The following MYO18A variants were observed in gnomAD, a reference collection of about 807,000 sequenced individuals.
The protein encoded by MYO18A is unconventional myosin-XVIIIa.
A neutral mutation model predicts 235.8 loss-of-function variants in MYO18A; 78 were observed. That is an observed-to-expected ratio of 0.33 (90% CI 0.28 to 0.40). The LOEUF (loss-of-function observed/expected upper bound fraction) is 0.40. Ranked by LOEUF, MYO18A falls within the 10% of genes least tolerant of loss-of-function variation. MYO18A has a pLI of 1.00. For missense variants in MYO18A, 2,215 were observed against 2,699.3 expected (o/e 0.82, Z 3.98); for synonymous variants, 977 against 1,077.8 (o/e 0.91, Z 1.83).
At chr17:29,148,032 G>A (rs1040425375) in intron 2 of MYO18A, among the ~76,000 whole-genome samples, 2 of 151,990 alleles carry the variant, frequency 1.3e-5, no homozygotes, top group African/African-American at 4.8e-5. Context: ...TGACTATTTG[G>A]GGAAGGATGG....
At chr17:29,171,387 A>C (rs2068400187) in intron 1 of MYO18A, among the ~76,000 whole-genome samples, 1 of 152,124 alleles carries the variant, frequency 6.6e-6, no homozygotes, top group Non-Finnish European at 1.5e-5. Flanking sequence ...CAGTGAGCCA[A>C]GATGATTGCG....
At position 29,090,043 on chromosome 17, in the gene MYO18A, G is replaced by C; in HGVS notation, c.5444C>G (p.Ser1815Cys). 1 of 1,613,976 alleles carries C rather than the reference G, an allele frequency of 6.2e-7. No homozygotes were observed. Among genetic ancestry groups the C allele is most frequent in the Non-Finnish European group, 8.5e-7 (1 of 1,179,860 alleles). ...EFLEQSMVDK[S>C]LVSRQEAKIR... ...CTTAGCTTCCTGCCTGCTCACCAGG[G>C]ACTTGTCCACCATGGACTGCTCCAG... The change falls in exon 37 of 42, where the codon TCC becomes TGC. Residue 1815 changes from serine to cysteine, a missense_variant. By Grantham distance (112) the Ser-to-Cys change is moderately radical (BLOSUM62 -1). Transcript: ENST00000527372.
intron 25 of MYO18A, 40 bp from the exon 26 acceptor site, chr17:29,097,939 C>A (rs1358219173): frequency 1.3e-6 from 2 of 1,588,396 alleles, no homozygotes; most frequent in African/African-American, 1.3e-5. Context: ...ATTCCATCCC[C>A]TCATACCCAC....
chr17:29,158,718 G>A lies in MYO18A; in HGVS notation c.999+7224C>T, dbSNP rs1283896738. ...GCAGCTTAGTGCATTGGGGTGGCGG[G>A]AGCCCTGCTGGCAGGCAGCGCGTGC... On this transcript the variant is annotated intron_variant, in intron 2 of 41. Coordinates refer to ENST00000527372, the MANE Select transcript of MYO18A (RefSeq NM_078471.4). This position sits in a 1 kb window ranked among gnomAD's most constrained non-coding sequence, Gnocchi z 4.3. Among the ~76,000 whole-genome samples, 3 of 152,194 alleles carry A rather than the reference G, an allele frequency of 2.0e-5. No individual in the cohort carries two copies. Among genetic ancestry groups the A allele is most frequent in the Non-Finnish European group, 4.4e-5 (3 of 68,018 alleles).
At chr17:29,086,853 T>A (rs2066266288) in intron 38 of MYO18A, 83 bp downstream of exon 38, 1 of 1,455,466 alleles carries the variant, frequency 6.9e-7, no homozygotes, top group Admixed American at 2.4e-5. Context: ...CACCCTATCC[T>A]CAACCAGGCC....
chr17:29,116,936 C>T (rs939221522), intron 10 of MYO18A, among the ~76,000 whole-genome samples: 1 of 152,010 alleles, frequency 6.6e-6, no homozygotes, highest in Non-Finnish European at 1.5e-5. Flanking sequence ...CTGTCCTCCA[C>T]ATTCTCGAGA....
chr17:29,169,536 C>T (rs2068355499), intron 1 of MYO18A, among the ~76,000 whole-genome samples: 1 of 152,132 alleles, frequency 6.6e-6, no homozygotes, highest in South Asian at 2.1e-4. Context: ...GAGTCTCTCT[C>T]CTCCTGACTG....
At chr17:29,116,309 C>T (rs2067058635) in intron 11 of MYO18A, 135 bp downstream of exon 11, 5 of 961,910 alleles carry the variant, frequency 5.2e-6, no homozygotes, top group Non-Finnish European at 8.4e-6. Flanking sequence ...ACCACAAACA[C>T]CCACTGATGG....
At chr17:29,097,441 A>G in intron 26 of MYO18A, 91 bp from the exon 27 acceptor site, 1 of 1,524,126 alleles carries the variant, frequency 6.6e-7, no homozygotes, top group Non-Finnish European at 8.9e-7. Context: ...GGGGAGCAGC[A>G]GGTGGAGTCA....
In MYO18A at chr17:29,115,458, G is replaced by A; in HGVS notation, c.2228-17C>T. On this transcript the variant is annotated splice_polypyrimidine_tract_variant and intron_variant, in intron 12 of 41. Transcript: ENST00000527372. ...GTTTCGGGCCTGTGGGGCAGGGGGA[G>A]CAGCGCTATCTCCTTCTCCCCAGGG... 1.2e-6 allele frequency: 2 copies of A among 1,610,974 alleles called. No individual in the cohort carries two copies. The highest frequency in any genetic ancestry group is 1.1e-5 in the South Asian group (1 of 90,516).
At chr17:29,102,347 C>T (rs191969260) in intron 21 of MYO18A, among the ~76,000 whole-genome samples, 44 of 152,324 alleles carry the variant, frequency 2.9e-4, no homozygotes, top group South Asian at 1.4e-3. Flanking sequence ...GGCAGGAATC[C>T]TGGCGGGAAA....
chr17:29,131,456 T>G lies in MYO18A; in HGVS notation c.1000-9203A>C. ...CTCCTCTTTAACCTGAGGGAGCAGATGAAGAAGTCACTGGCAGGTCAAGGC... is the reference window on the plus strand; with the variant it reads ...CTCCTCTTTAACCTGAGGGAGCAGAGGAAGAAGTCACTGGCAGGTCAAGGC... On this transcript the variant is annotated intron_variant, in intron 2 of 41. Coordinates refer to ENST00000527372, the MANE Select transcript of MYO18A (RefSeq NM_078471.4). 3 of 985,616 alleles carry G rather than the reference T, an allele frequency of 3.0e-6. No homozygotes were observed. The East Asian group carries it at 3.4e-4, about 112-fold the overall frequency. 61.1% of individuals were successfully genotyped at this position (985,616 alleles called of 1,614,324 possible).
intron 20 of MYO18A, among the ~76,000 whole-genome samples, chr17:29,105,394 TG>T (rs2066759539): frequency 6.6e-6 from 1 of 150,918 alleles, no homozygotes; most frequent in Non-Finnish European, 1.5e-5. Flanking sequence ...TGCAGGTCTG[TG>T]GGGAGTTTCT....
chr17:29,128,704 C>A (rs763988906), intron 2 of MYO18A, among the ~76,000 whole-genome samples: 1 of 152,178 alleles, frequency 6.6e-6, no homozygotes, highest in Non-Finnish European at 1.5e-5. Context: ...AGGAAGCCCA[C>A]TTTCCATCTT....
At chr17:29,149,615 G>C (rs1470356904) in intron 2 of MYO18A, among the ~76,000 whole-genome samples, 3 of 152,250 alleles carry the variant, frequency 2.0e-5, no homozygotes, top group African/African-American at 4.8e-5. Context: ...AAGACCCTGA[G>C]TCAATCCCCA....
In MYO18A at chr17:29,106,378, C is replaced by G. The variant is rs1347047817; in HGVS notation, c.3441+702G>C. On this transcript the variant is annotated intron_variant, in intron 20 of 41. Transcript: ENST00000527372. The surrounding 1 kb of genome is among the most constrained non-coding windows in gnomAD (Gnocchi z 4.6). ...AGGGGTGGAGGGGCAGGGGGGCACA[C>G]ACAGAGGCAGGCTGGGCACTCTGTG... is the stretch of plus-strand genomic sequence containing the variant. Among the ~76,000 whole-genome samples, 2 of 152,142 alleles carry G rather than the reference C, an allele frequency of 1.3e-5. No homozygotes were observed. The highest frequency in any genetic ancestry group is 4.8e-5 in the African/African-American group (2 of 41,428).
At position 29,097,353 on chromosome 17, in the gene MYO18A, G is replaced by A; in HGVS notation, c.4103-3C>T. ...ATACTTCAGCCGCCACTCGCCACCTGTGGGGTTGAGGCAGACAAGGGAGGA... is the reference window on the plus strand; with the variant it reads ...ATACTTCAGCCGCCACTCGCCACCTATGGGGTTGAGGCAGACAAGGGAGGA... On this transcript the variant is annotated splice_polypyrimidine_tract_variant and splice_region_variant and intron_variant, in intron 26 of 41. Coordinates refer to ENST00000527372, the MANE Select transcript of MYO18A (RefSeq NM_078471.4). The A allele has an allele frequency of 6.2e-7, 1 of 1,607,512 alleles. No homozygotes were observed. The highest frequency in any genetic ancestry group is 8.5e-7 in the Non-Finnish European group (1 of 1,179,796).
chr17:29,164,482 G>GTAC (rs1371398406), intron 2 of MYO18A, among the ~76,000 whole-genome samples: 3 of 152,204 alleles, frequency 2.0e-5, no homozygotes, highest in Non-Finnish European at 2.9e-5. Context: ...CAGGCCCAAG[G>GTAC]TACTACTGGG....
At chr17:29,179,912 C>G (rs901029795) in intron 1 of MYO18A, among the ~76,000 whole-genome samples, 8 of 152,172 alleles carry the variant, frequency 5.3e-5, no homozygotes, top group Admixed American at 2.6e-4. Flanking sequence ...CTCGCTCCAT[C>G]GTGGGGCCTG....
Sources: gnomAD v4.1 joint callset for allele counts (sites outside exome capture counted in the v4.1 genomes callset) on GRCh38, gnomAD v4.1.1 for gene constraint, Gnocchi (gnomAD v3.1) non-coding constraint, MANE v1.5 for transcripts, NCBI Gene and HGNC (gene_info 2026-07-23, HGNC 2026-07-21) for gene names.